Variants in ANKRD17 observed in about 807,000 individuals in gnomAD.
The protein encoded by ANKRD17 is ankyrin repeat domain-containing protein 17.
Under a neutral mutation model 229.7 loss-of-function variants are expected in ANKRD17, and 19 were observed. The observed-to-expected ratio is 0.08, with a 90% CI of 0.06 to 0.12. ANKRD17 has a LOEUF of 0.12. Among genes scored for constraint, ANKRD17 ranks in the 10% least tolerant of loss-of-function variants. The pLI, the probability that ANKRD17 is intolerant of heterozygous loss-of-function variation, is 1.00. For synonymous variants in ANKRD17, 1,112 were observed against 1,146.1 expected, an observed-to-expected ratio of 0.97 and a Z score of 0.60; for missense variants, 2,176 against 3,176.8, an observed-to-expected ratio of 0.68 and a Z score of 7.57.
chr4:73,206,047 G>T (rs1004856577), intron 1 of ANKRD17, among the ~76,000 whole-genome samples: 12 of 152,114 alleles, frequency 7.9e-5, no homozygotes, highest in Non-Finnish European at 1.8e-4. Flanking sequence ...TACCATTCAG[G>T]GGTTTGAACA....
At chr4:73,076,331 G>C (rs1000372509) in intron 33 of ANKRD17, 41 bp from the exon 34 acceptor site, 19 of 1,415,798 alleles carry the variant, frequency 1.3e-5, no homozygotes, top group Admixed American at 2.5e-5. Flanking sequence ...TATATATCTA[G>C]CATATATTTT....
At chr4:73,240,902 G>A (rs1008564927) in intron 1 of ANKRD17, among the ~76,000 whole-genome samples, 106 of 145,982 alleles carry the variant, frequency 7.3e-4, no homozygotes, top group African/African-American at 2.6e-3. Context: ...TCCGCCTCCC[G>A]GGTTCAAGCA....
intron 1 of ANKRD17, among the ~76,000 whole-genome samples, chr4:73,222,767 T>G (rs747810139): frequency 6.6e-6 from 1 of 152,168 alleles, no homozygotes; most frequent in Non-Finnish European, 1.5e-5. Flanking sequence ...AACATGAAGT[T>G]TAAACAAAAT....
chr4:73,182,832 T>C (rs1735759528), intron 1 of ANKRD17, among the ~76,000 whole-genome samples: 1 of 152,230 alleles, frequency 6.6e-6, no homozygotes, highest in South Asian at 2.1e-4. Flanking sequence ...CTTTGTTGTT[T>C]GGGGCTGTCT....
chr4:73,201,600 A>G (rs2149108882), intron 1 of ANKRD17, among the ~76,000 whole-genome samples: 1 of 152,284 alleles, frequency 6.6e-6, no homozygotes, highest in South Asian at 2.1e-4. Context: ...TCAAAATATA[A>G]CACCATTAAT....
intron 2 of ANKRD17, among the ~76,000 whole-genome samples, chr4:73,167,731 T>C (rs367972559): frequency 6.6e-6 from 1 of 152,346 alleles, no homozygotes; most frequent in African/African-American, 2.4e-5. Context: ...TAGTTTTCTT[T>C]ACTCCAAGAC....
intron 28 of ANKRD17, among the ~76,000 whole-genome samples, chr4:73,092,574 A>G (rs1335595996): frequency 1.3e-5 from 2 of 152,174 alleles, no homozygotes; most frequent in Admixed American, 1.3e-4. Flanking sequence ...ACATTTCACT[A>G]TTGTTTCCTT....
intron 1 of ANKRD17, among the ~76,000 whole-genome samples, chr4:73,245,206 C>T (rs1394706508): frequency 2.9e-5 from 4 of 136,902 alleles, no homozygotes; most frequent in Non-Finnish European, 5.0e-5. Flanking sequence ...GTTGCTTTTC[C>T]ACCTGTAATG....
In ANKRD17 at chr4:73,217,743, A is replaced by G. The variant is rs112029883; in HGVS notation, c.394-40210T>C. Among the ~76,000 whole-genome samples the G allele has an allele frequency of 2.5e-3, 376 of 152,304 alleles. 2 individuals carry two copies. The highest frequency in any genetic ancestry group is 0.016 in the South Asian group (76 of 4,822). On this transcript the variant is annotated intron_variant, in intron 1 of 33. Transcript: ENST00000358602. ...GCATTTGACCTCGTGTGACAGATCA[A>G]TCAAAACTTTGTTTTCATGCACGAA...
chr4:73,226,389 GTTTTT>G lies in ANKRD17; in HGVS notation c.393+31882_393+31886del, dbSNP rs1157719883. On this transcript the variant is annotated intron_variant, in intron 1 of 33. Transcript: ENST00000358602. ...TAATAGTAATAATTTCTTTTCTTCT[GTTTTT>G]TTTTTTTTTTTTTTTTTTGAGACGG... is the stretch of plus-strand genomic sequence containing the variant. 2.1e-3 allele frequency among the ~76,000 whole-genome samples: 187 copies of G among 87,608 alleles called. 1 individual carries two copies. Among genetic ancestry groups the G allele is most frequent in the Admixed American group, 3.4e-3 (20 of 5,868 alleles). 57.5% of individuals were successfully genotyped at this position (87,608 alleles called of 152,430 possible).
At chr4:73,220,951 G>A (rs1050119875) in intron 1 of ANKRD17, among the ~76,000 whole-genome samples, 9 of 152,096 alleles carry the variant, frequency 5.9e-5, no homozygotes, top group African/African-American at 2.2e-4. Context: ...AGCTCATTAT[G>A]TAATAAATAT....
intron 25 of ANKRD17, chr4:73,099,035 A>T: frequency 1.0e-6 from 1 of 983,512 alleles, no homozygotes; most frequent in Non-Finnish European, 1.6e-6. Flanking sequence ...AGCTGCCAAG[A>T]CCCGGAAAAC....
chr4:73,124,710 G>C (rs1252570951), intron 18 of ANKRD17, among the ~76,000 whole-genome samples: 1 of 152,102 alleles, frequency 6.6e-6, no homozygotes, highest in African/African-American at 2.4e-5. Flanking sequence ...TAGATGAGCA[G>C]GATTCTAAAC....
At chr4:73,097,750 C>G (rs1039727072) in intron 26 of ANKRD17, among the ~76,000 whole-genome samples, 4 of 151,960 alleles carry the variant, frequency 2.6e-5, no homozygotes, top group African/African-American at 9.7e-5. Flanking sequence ...GAAGAGCCAA[C>G]TTTAAGAAGA....
rs1722030031 is a variant in ANKRD17 at position 73,085,556 on chromosome 4, A to T, written c.6962-110T>A. ...ATATTCAAAACTATTTTAGATAATT[A>T]AAAAAATCCCGGCTGGGAGTGGTGG... is the stretch of plus-strand genomic sequence containing the variant. On this transcript the variant is annotated intron_variant, in intron 29 of 33. Transcript: ENST00000358602. The T allele has an allele frequency of 3.0e-6, 3 of 1,002,330 alleles. No homozygotes were observed. The South Asian group carries it at 5.0e-5, about 17-fold the overall frequency. 62.1% of individuals were successfully genotyped at this position (1,002,330 alleles called of 1,614,324 possible). A position where few individuals can be genotyped will look rare whatever the true frequency, so the allele number is the denominator to read the frequency against.
At chr4:73,088,122 C>A (rs2110141449) in intron 29 of ANKRD17, among the ~76,000 whole-genome samples, 1 of 152,156 alleles carries the variant, frequency 6.6e-6, no homozygotes, top group Middle Eastern at 3.4e-3. Context: ...ACTTAAATAA[C>A]TTTTCAAAAT....
intron 2 of ANKRD17, among the ~76,000 whole-genome samples, chr4:73,173,699 CA>C (rs1159865729): frequency 6.6e-6 from 1 of 152,136 alleles, no homozygotes; most frequent in Non-Finnish European, 1.5e-5. Context: ...TCTGAAAATC[CA>C]GATCACAGGA....
At chr4:73,203,094 T>C (rs1334416888) in intron 1 of ANKRD17, among the ~76,000 whole-genome samples, 1 of 152,222 alleles carries the variant, frequency 6.6e-6, no homozygotes, top group Non-Finnish European at 1.5e-5. Context: ...GAATTTATAA[T>C]AGCAAATATA....
At chr4:73,214,899 A>G (rs1439253701) in intron 1 of ANKRD17, among the ~76,000 whole-genome samples, 1 of 150,930 alleles carries the variant, frequency 6.6e-6, no homozygotes, top group Non-Finnish European at 1.5e-5. Context: ...AAATTTTTTC[A>G]GTCTTGAATA....
Sources: gnomAD v4.1 joint callset for allele counts (sites outside exome capture counted in the v4.1 genomes callset) on GRCh38, gnomAD v4.1.1 for gene constraint, MANE v1.5 for transcripts, NCBI Gene and HGNC (gene_info 2026-07-23, HGNC 2026-07-21) for gene names.